The following SLC6A4 variants were observed in gnomAD, a reference collection of about 807,000 sequenced individuals.
The protein encoded by SLC6A4 is solute carrier family 6 member 4, also known as sodium-dependent serotonin transporter.
A neutral mutation model predicts 73.4 loss-of-function variants in SLC6A4; 22 were observed. The observed-to-expected ratio is 0.30, with a 90% CI of 0.21 to 0.43. The LOEUF is 0.43. Among genes scored for constraint, SLC6A4 ranks in the 20% least tolerant of loss-of-function variants. SLC6A4 has a pLI of 1.00. For synonymous variants in SLC6A4, 270 were observed against 315.5 expected (o/e 0.86, Z 1.53); for missense variants, 593 against 808.5 (o/e 0.73, Z 3.23).
rs1019755528 is a variant in SLC6A4, at chr17:30,211,684, A to G, written c.1205-260T>C. Among the ~76,000 whole-genome samples the G allele has an allele frequency of 6.6e-6, 1 of 152,200 alleles. No individual in the cohort carries two copies. Among genetic ancestry groups the G allele is most frequent in the African/African-American group, 2.4e-5 (1 of 41,450 alleles). ...CATTAACCCTGGGGGTGGGTAACAG[A>G]TCCAAGACCCAGAGACTGGCAAAGC... On this transcript the variant is annotated intron_variant, in intron 9 of 14. Coordinates refer to ENST00000650711, the MANE Select transcript of SLC6A4 (RefSeq NM_001045.6). This position sits in a 1 kb window ranked among gnomAD's most constrained non-coding sequence, Gnocchi z 4.0.
At chr17:30,210,679 G>T (rs916439177) in intron 10 of SLC6A4, 33 bp from the exon 11 acceptor site, 4 of 1,596,014 alleles carry the variant, frequency 2.5e-6, no homozygotes, top group Admixed American at 1.7e-5. Flanking sequence ...CACGGTGGAG[G>T]CTTTGGGACA....
At chr17:30,233,917 T>G (rs571522315) in intron 1 of SLC6A4, among the ~76,000 whole-genome samples, 55 of 152,288 alleles carry the variant, frequency 3.6e-4, no homozygotes, top group African/African-American at 1.3e-3. Flanking sequence ...TGGCTTAATG[T>G]CTGGAGTTAC....
At chr17:30,214,948 TTC>T (rs1389055776) in intron 8 of SLC6A4, among the ~76,000 whole-genome samples, 1 of 151,368 alleles carries the variant, frequency 6.6e-6, no homozygotes, top group Admixed American at 6.6e-5. Flanking sequence ...CTTTCTTTCT[TTC>T]TTTCTTTCCT....
chr17:30,216,711 T>C (rs958773026), intron 6 of SLC6A4, among the ~76,000 whole-genome samples: 1 of 151,974 alleles, frequency 6.6e-6, no homozygotes, highest in African/African-American at 2.4e-5. Flanking sequence ...TTCACTCTGC[T>C]GCCCAGGAGT....
chr17:30,232,630 G>T (rs372036272), intron 1 of SLC6A4, among the ~76,000 whole-genome samples: 2 of 152,150 alleles, frequency 1.3e-5, no homozygotes, highest in Non-Finnish European at 2.9e-5. Context: ...GGTTCCAGAG[G>T]GGCCAAAGGA....
chr17:30,200,909 G>A (rs1346415442), intron 14 of SLC6A4, among the ~76,000 whole-genome samples: 1 of 152,044 alleles, frequency 6.6e-6, no homozygotes, highest in African/African-American at 2.4e-5. Context: ...GGCCTCCTGA[G>A]AAGCTGGAAC....
intron 1 of SLC6A4, among the ~76,000 whole-genome samples, chr17:30,224,660 G>A (rs763091422): frequency 5.3e-5 from 8 of 152,182 alleles, no homozygotes; most frequent in Non-Finnish European, 8.8e-5. Flanking sequence ...AGGGAAATGC[G>A]GTCCATCTCA....
chr17:30,197,524 C>T lies in SLC6A4; in HGVS notation c.*932G>A, dbSNP rs1317234542. 2.0e-5 allele frequency: 3 copies of T among 152,530 alleles called. No individual in the cohort carries two copies. The highest frequency in any genetic ancestry group is 2.0e-4 in the Admixed American group (3 of 15,296). The allele number at this position is 152,530 out of a possible 1,614,324, so 9.4% of individuals were successfully genotyped here. A position where few individuals can be genotyped will look rare whatever the true frequency, so the allele number is the denominator to read the frequency against. On this transcript the variant is annotated 3_prime_UTR_variant, in exon 15 of 15. Transcript: ENST00000650711. Reference sequence around the variant, plus strand: ...CACTGAAGGGGCATGTGACAAGATCCACCTTCAACGTACTTCACAGCCAAG... The same window carrying T: ...CACTGAAGGGGCATGTGACAAGATCTACCTTCAACGTACTTCACAGCCAAG...
intron 1 of SLC6A4, among the ~76,000 whole-genome samples, chr17:30,224,119 A>G (rs960246595): frequency 3.9e-5 from 6 of 152,204 alleles, no homozygotes; most frequent in Non-Finnish European, 5.9e-5. Flanking sequence ...ACGAACTTGA[A>G]GGCCAAATGG....
chr17:30,220,479 C>A (rs1906712555), intron 3 of SLC6A4, among the ~76,000 whole-genome samples: 1 of 152,168 alleles, frequency 6.6e-6, no homozygotes, highest in Admixed American at 6.5e-5. Flanking sequence ...CAAGATAGGG[C>A]CTCTGGCCTC....
At chr17:30,210,813 T>A (rs1290691594) in intron 10 of SLC6A4, among the ~76,000 whole-genome samples, 167 bp from the exon 11 acceptor site, 2 of 152,186 alleles carry the variant, frequency 1.3e-5, no homozygotes, top group East Asian at 3.9e-4. Context: ...AGTATTTCCC[T>A]GTTTTACACT....
intron 1 of SLC6A4, among the ~76,000 whole-genome samples, chr17:30,228,704 C>A (rs1906998029): frequency 6.6e-6 from 1 of 152,214 alleles, no homozygotes; most frequent in South Asian, 2.1e-4. Flanking sequence ...CTCTAATTAT[C>A]CTGCACCCTC....
chr17:30,229,351 G>T (rs963092194), intron 1 of SLC6A4, among the ~76,000 whole-genome samples: 8 of 152,114 alleles, frequency 5.3e-5, no homozygotes, highest in Admixed American at 3.3e-4. Flanking sequence ...CATCTGAAAC[G>T]AAAGCTGTAG....
rs1312487384 is a variant in SLC6A4 at position 30,230,104 on chromosome 17, A to AGAAGAAGAAGAAGAAGAAGAAGAAGAG, written c.-221+5508_-221+5509insCTCTTCTTCTTCTTCTTCTTCTTCTTC. Among the ~76,000 whole-genome samples, 5 of 119,912 alleles carry AGAAGAAGAAGAAGAAGAAGAAGAAGAG rather than the reference A, an allele frequency of 4.2e-5. No homozygotes were observed. The East Asian group carries it at 6.9e-4, about 16-fold the overall frequency. The allele number at this position is 119,912 out of a possible 152,430, so 78.7% of individuals were successfully genotyped here. ...AAGAAGAAGAAGAAGAAGAGGAGGA[A>AGAAGAAGAAGAAGAAGAAGAAGAAGAG]GAGGAAGAGGAAGAGGAAGAGGAGG... On this transcript the variant is annotated intron_variant, in intron 1 of 14. Coordinates refer to ENST00000650711, the MANE Select transcript of SLC6A4 (RefSeq NM_001045.6).
intron 3 of SLC6A4, among the ~76,000 whole-genome samples, chr17:30,219,501 C>T (rs1276968281): frequency 1.3e-5 from 2 of 152,192 alleles, no homozygotes; most frequent in African/African-American, 4.8e-5. Flanking sequence ...CTGTGAGTCA[C>T]CAAATCAGTA....
chr17:30,206,411 C>T (rs1387104459), intron 13 of SLC6A4: 1 of 152,184 alleles, frequency 6.6e-6, no homozygotes, highest in African/African-American at 2.4e-5. Flanking sequence ...GAACCAAGGA[C>T]AAAGTGAATA....
chr17:30,198,652 G>A, intron 14 of SLC6A4, 122 bp from the exon 15 acceptor site: 1 of 557,328 alleles, frequency 1.8e-6, no homozygotes, highest in Non-Finnish European at 3.2e-6. Context: ...AGAGCGAGTT[G>A]GAATAGTCTC....
chr17:30,203,751 C>G (rs1906106733), intron 13 of SLC6A4: 1 of 173,312 alleles, frequency 5.8e-6, no homozygotes, highest in Non-Finnish European at 1.2e-5. Context: ...CGCAGCCCCC[C>G]GCCAGGCCCC....
intron 3 of SLC6A4, 84 bp from the exon 4 acceptor site, chr17:30,219,015 C>A: frequency 6.5e-7 from 1 of 1,547,824 alleles, no homozygotes; most frequent in South Asian, 1.1e-5. Context: ...GAATCACAGT[C>A]GCCGGATGAT....
Sources: gnomAD v4.1 joint callset for allele counts (sites outside exome capture counted in the v4.1 genomes callset) on GRCh38, gnomAD v4.1.1 for gene constraint, Gnocchi (gnomAD v3.1) non-coding constraint, MANE v1.5 for transcripts, NCBI Gene and HGNC (gene_info 2026-07-23, HGNC 2026-07-21) for gene names.